The following ATXN2 variants were observed in gnomAD, a reference collection of about 807,000 sequenced individuals.
ATXN2 encodes ataxin 2, also known as ataxin-2.
A neutral mutation model predicts 138.6 loss-of-function variants in ATXN2; 37 were observed. The ratio of observed to expected loss-of-function variants is 0.27; its 90% CI spans 0.21 to 0.35. ATXN2 has a LOEUF of 0.35. Among genes scored for constraint, ATXN2 ranks in the 10% least tolerant of loss-of-function variants. The pLI is 1.00. For missense variants in ATXN2, 1,216 were observed against 1,480.3 expected (o/e 0.82, Z 2.93); for synonymous variants, 549 against 543.7 (o/e 1.01, Z -0.13).
chr12:111,526,465 C>T (rs1446486962), intron 5 of ATXN2, among the ~76,000 whole-genome samples: 1 of 150,932 alleles, frequency 6.6e-6, no homozygotes, highest in Non-Finnish European at 1.5e-5. Flanking sequence ...AGTGCAGTGA[C>T]ACCATCTCGG....
At chr12:111,570,556 A>G (rs1261298813) in intron 1 of ATXN2, among the ~76,000 whole-genome samples, 1 of 152,128 alleles carries the variant, frequency 6.6e-6, no homozygotes, top group South Asian at 2.1e-4. Context: ...AATTTTTTCT[A>G]CATACACCAT....
intron 23 of ATXN2, chr12:111,455,459 G>T: frequency 3.2e-6 from 1 of 312,160 alleles, no homozygotes; most frequent in South Asian, 3.7e-5. Context: ...GACCACCTGG[G>T]TGCTTCCAGC....
At chr12:111,543,003 A>G (rs1592882936) in intron 5 of ATXN2, among the ~76,000 whole-genome samples, 1 of 152,204 alleles carries the variant, frequency 6.6e-6, no homozygotes, top group South Asian at 2.1e-4. Context: ...GAAGATGACC[A>G]TATCTTAATA....
In ATXN2 at chr12:111,518,308, G is replaced by A. The variant is rs765008415; in HGVS notation, c.1106C>T (p.Thr369Ile). 6.2e-6 allele frequency: 10 copies of A among 1,612,898 alleles called. No homozygotes were observed. The highest frequency in any genetic ancestry group is 8.5e-6 in the Non-Finnish European group (10 of 1,179,156). The stretch of plus-strand genomic sequence containing the variant: ...CGGGTTGAAATCTGAAGTGTGAGAA[G>A]TGGATCTTGATGGCATGGAGCCCGA... ...PGSGSMPSRS[T>I]SHTSDFNPNS... The change falls in exon 9 of 25, where the codon ACT becomes ATT. Residue 369 changes from threonine to isoleucine, a missense_variant. Coordinates refer to ENST00000673436, the MANE Select transcript of ATXN2 (RefSeq NM_001372574.1).
At chr12:111,582,653 T>A (rs1022113742) in intron 1 of ATXN2, among the ~76,000 whole-genome samples, 1 of 152,146 alleles carries the variant, frequency 6.6e-6, no homozygotes, top group East Asian at 1.9e-4. Context: ...CTTTAGTATC[T>A]CAGTTTTTTT....
intron 18 of ATXN2, among the ~76,000 whole-genome samples, chr12:111,483,240 A>ACAC (rs1270352401): frequency 2.1e-5 from 3 of 143,030 alleles, no homozygotes; most frequent in South Asian, 2.3e-4. Context: ...CACACACACA[A>ACAC]AACACCCAAA....
intron 22 of ATXN2, among the ~76,000 whole-genome samples, chr12:111,456,817 T>C (rs552757412): frequency 3.3e-5 from 5 of 152,278 alleles, no homozygotes; most frequent in African/African-American, 1.2e-4. Context: ...GCGCGATCTC[T>C]GCTCACTGCA....
At chr12:111,506,665 CCCACGGTCTCCCTCTCCCTCTCTTT>C (rs1253171980) in intron 14 of ATXN2, among the ~76,000 whole-genome samples, 31 of 147,586 alleles carry the variant, frequency 2.1e-4, no homozygotes, top group Admixed American at 2.0e-4. Flanking sequence ...TCTCCTTCTC[CCCACGGTCTCCCTCTCCCTCTCTTT>C]CCACGGTCTC....
intron 5 of ATXN2, among the ~76,000 whole-genome samples, chr12:111,539,101 C>T (rs1881350552): frequency 6.7e-6 from 1 of 150,186 alleles, no homozygotes; most frequent in Non-Finnish European, 1.5e-5. Context: ...TCATTTTCTC[C>T]ATTAGGCTTC....
At chr12:111,476,449 G>A (rs1876819857) in intron 18 of ATXN2, among the ~76,000 whole-genome samples, 1 of 150,392 alleles carries the variant, frequency 6.6e-6, no homozygotes, top group South Asian at 2.1e-4. Context: ...TAATGCACCA[G>A]TACAATAAGA....
chr12:111,577,948 C>T (rs1165483249), intron 1 of ATXN2, among the ~76,000 whole-genome samples: 2 of 152,142 alleles, frequency 1.3e-5, no homozygotes, highest in Non-Finnish European at 2.9e-5. Flanking sequence ...GTAATCCCAG[C>T]ACTTTGGGAG....
At chr12:111,539,362 G>C (rs1177637438) in intron 5 of ATXN2, among the ~76,000 whole-genome samples, 1 of 149,812 alleles carries the variant, frequency 6.7e-6, no homozygotes, top group Non-Finnish European at 1.5e-5. Context: ...AAGAGACAGA[G>C]AGAAAGAGAG....
intron 5 of ATXN2, among the ~76,000 whole-genome samples, chr12:111,543,974 A>G (rs1280509337): frequency 6.6e-6 from 1 of 152,168 alleles, no homozygotes; most frequent in Non-Finnish European, 1.5e-5. Context: ...GCTACTTGGG[A>G]GGCTGAGGTG....
At chr12:111,464,534 T>C (rs1235815468) in intron 21 of ATXN2, 128 bp downstream of exon 21, 1 of 591,578 alleles carries the variant, frequency 1.7e-6, no homozygotes, top group Non-Finnish European at 2.8e-6. Context: ...TATTTATATA[T>C]ATAAGTACTT....
chr12:111,477,350 G>A (rs1183206860), intron 18 of ATXN2, among the ~76,000 whole-genome samples: 1 of 151,812 alleles, frequency 6.6e-6, no homozygotes, highest in Non-Finnish European at 1.5e-5. Context: ...CGAGACTCTT[G>A]TTTCAAGAAC....
intron 11 of ATXN2, chr12:111,511,686 G>C (rs1343244814): frequency 6.6e-6 from 1 of 152,074 alleles, no homozygotes; most frequent in Non-Finnish European, 1.5e-5. Context: ...GGCTGGTGTT[G>C]AACTCCTGAC....
chr12:111,562,707 C>G (rs113637882), intron 1 of ATXN2, among the ~76,000 whole-genome samples: 9 of 109,226 alleles, frequency 8.2e-5, no homozygotes, highest in African/African-American at 3.5e-4. Context: ...GCAATAAGAG[C>G]GAAACTCCAT....
chr12:111,563,188 G>A (rs1882793664), intron 1 of ATXN2, among the ~76,000 whole-genome samples: 1 of 152,136 alleles, frequency 6.6e-6, no homozygotes, highest in African/African-American at 2.4e-5. Flanking sequence ...CAAAGAAACT[G>A]CTTTGGATTA....
In ATXN2 at chr12:111,598,265, G is replaced by A. The variant is rs953801104; in HGVS notation, c.251+519C>T. 17 of 1,020,476 alleles carry A rather than the reference G, an allele frequency of 1.7e-5. No homozygotes were observed. The African/African-American group carries it at 2.4e-4, about 14-fold the overall frequency. The allele number at this position is 1,020,476 out of a possible 1,614,324, so 63.2% of individuals were successfully genotyped here. On this transcript the variant is annotated intron_variant, in intron 1 of 24. Transcript: ENST00000673436. The surrounding 1 kb of genome is among the most constrained non-coding windows in gnomAD (Gnocchi z 4.5). ...GACCCTGATGATTCCGGAGGAGCCC[G>A]GTGCCTACCCCTTTAACCGGCACGG...
Sources: gnomAD v4.1 joint callset for allele counts (sites outside exome capture counted in the v4.1 genomes callset) on GRCh38, gnomAD v4.1.1 for gene constraint, Gnocchi (gnomAD v3.1) non-coding constraint, MANE v1.5 for transcripts, NCBI Gene and HGNC (gene_info 2026-07-23, HGNC 2026-07-21) for gene names.